The following UGT1A7 variants were observed in gnomAD, a reference collection of about 807,000 sequenced individuals.
The protein encoded by UGT1A7 is UDP-glucuronosyltransferase 1A7.
Under a neutral mutation model 45.6 loss-of-function variants are expected in UGT1A7, and 33 were observed. That is an observed-to-expected ratio of 0.72 (90% CI 0.55 to 0.97). The LOEUF is 0.97. Among genes scored for constraint, UGT1A7 ranks in the 50% least tolerant of loss-of-function variants. The probability of loss-of-function intolerance (pLI) is 0.00; values close to 1 mark genes in which losing one functional copy is unlikely to be tolerated. For missense variants in UGT1A7, 684 were observed against 666.2 expected, an observed-to-expected ratio of 1.03 and a Z score of -0.29; for synonymous variants, 274 against 250.6, an observed-to-expected ratio of 1.09 and a Z score of -0.88.
chr2:233,694,924 A>C (rs17864690), intron 1 of UGT1A7, among the ~76,000 whole-genome samples: 9,219 of 152,270 alleles, frequency 0.061, 475 homozygotes, highest in African/African-American at 0.14. Flanking sequence ...ATGTGCGATG[A>C]TCAAATCAGG....
chr2:233,729,487 T>C (rs1189520708), intron 1 of UGT1A7: 17 of 1,614,220 alleles, frequency 1.1e-5, no homozygotes, highest in Non-Finnish European at 1.4e-5. Flanking sequence ...GAACAATATG[T>C]CTTTGGTCTA....
chr2:233,753,830 C>T (rs560874978), intron 1 of UGT1A7, among the ~76,000 whole-genome samples: 4 of 152,332 alleles, frequency 2.6e-5, no homozygotes, highest in Non-Finnish European at 4.4e-5. Flanking sequence ...GGGCTGAAGA[C>T]AGTCCTAGTA....
chr2:233,693,484 T>C (rs1575449694), intron 1 of UGT1A7: 1 of 1,614,198 alleles, frequency 6.2e-7, no homozygotes, highest in East Asian at 2.2e-5. Context: ...TGATCCTGGC[T>C]GAGTATTTGG....
chr2:233,744,569 T>A (rs1692854365), intron 1 of UGT1A7, among the ~76,000 whole-genome samples: 2 of 151,878 alleles, frequency 1.3e-5, no homozygotes, highest in Non-Finnish European at 2.9e-5. Context: ...GTGAGAAGAG[T>A]GGCATCGTTT....
chr2:233,747,765 A>T, intron 1 of UGT1A7: 1 of 1,613,500 alleles, frequency 6.2e-7, no homozygotes, highest in Non-Finnish European at 8.5e-7. Context: ...CTTTAAGGGC[A>T]CACAGTGTCC....
intron 1 of UGT1A7, among the ~76,000 whole-genome samples, chr2:233,731,890 C>A (rs2125767900): frequency 6.6e-6 from 1 of 152,340 alleles, no homozygotes; most frequent in Admixed American, 6.5e-5. Flanking sequence ...AACTAATTTA[C>A]ACTCCCACCA....
chr2:233,694,688 C>T (rs1334896868), intron 1 of UGT1A7, among the ~76,000 whole-genome samples: 1 of 152,190 alleles, frequency 6.6e-6, no homozygotes, highest in East Asian at 1.9e-4. Flanking sequence ...GTCCCAAAGA[C>T]CCTTACCTCT....
chr2:233,699,099 T>A (rs1370746002), intron 1 of UGT1A7, among the ~76,000 whole-genome samples: 1 of 152,204 alleles, frequency 6.6e-6, no homozygotes, highest in Non-Finnish European at 1.5e-5. Context: ...GTGCACCTCA[T>A]CACCTGCCCC....
At chr2:233,771,020 A>T (rs1052274200) in intron 4 of UGT1A7, 14 of 152,140 alleles carry the variant, frequency 9.2e-5, no homozygotes, top group Non-Finnish European at 2.1e-4. Flanking sequence ...GGAGCGAGAG[A>T]GAGTTGGGGG....
chr2:233,772,820 C>T lies in UGT1A7; in HGVS notation c.*261C>T. The T allele has an allele frequency of 1.0e-6, 1 of 980,900 alleles. No individual in the cohort carries two copies. The highest frequency in any genetic ancestry group is 3.1e-5 in the Admixed American group (1 of 31,764). 60.8% of individuals were successfully genotyped at this position (980,900 alleles called of 1,614,324 possible). A position where few individuals can be genotyped will look rare whatever the true frequency, so the allele number is the denominator to read the frequency against. On this transcript the variant is annotated 3_prime_UTR_variant, in exon 5 of 5. Coordinates refer to ENST00000373426, the MANE Select transcript of UGT1A7 (RefSeq NM_019077.3). ...TGCCATTTTTCAGAGGACGTGCAGA[C>T]AGGCTGGCATTCTAGATTACTTTTC...
chr2:233,688,685 A>G (rs2125540421), intron 1 of UGT1A7, among the ~76,000 whole-genome samples: 1 of 152,304 alleles, frequency 6.6e-6, no homozygotes. Flanking sequence ...AAAAAATTTA[A>G]TATTAAACGT....
intron 1 of UGT1A7, among the ~76,000 whole-genome samples, chr2:233,709,855 C>T (rs774385503): frequency 6.6e-6 from 1 of 152,220 alleles, no homozygotes; most frequent in Non-Finnish European, 1.5e-5. Flanking sequence ...ATTCAAGACA[C>T]GGAGCACTCC....
chr2:233,724,512 C>A (rs1184546630), intron 1 of UGT1A7, among the ~76,000 whole-genome samples: 1 of 98,296 alleles, frequency 1.0e-5, no homozygotes, highest in Non-Finnish European at 2.1e-5. Context: ...CGCTCCTCAC[C>A]TCCCAGATGG....
At chr2:233,744,020 A>G (rs772396813) in intron 1 of UGT1A7, 334 of 991,812 alleles carry the variant, frequency 3.4e-4, no homozygotes, top group East Asian at 3.5e-4. Context: ...CCGCCTGGAG[A>G]GACGCCCCTT....
chr2:233,768,093 C>G (rs1004945846), intron 3 of UGT1A7, 127 bp from the exon 4 acceptor site: 31 of 1,591,334 alleles, frequency 1.9e-5, no homozygotes, highest in Non-Finnish European at 2.5e-5. Context: ...CCCACATTTT[C>G]TTCTGCAAAT....
chr2:233,689,917 A>C (rs562345639), intron 1 of UGT1A7: 9 of 456,690 alleles, frequency 2.0e-5, no homozygotes, highest in African/African-American at 1.8e-4. Context: ...AGGTGCCTGG[A>C]ATTTCCTTCG....
intron 1 of UGT1A7, among the ~76,000 whole-genome samples, chr2:233,701,433 A>G (rs2075627633): frequency 6.6e-6 from 1 of 152,256 alleles, no homozygotes; most frequent in Admixed American, 6.5e-5. Context: ...TAGACAGATC[A>G]ACGAGACAGA....
intron 1 of UGT1A7, among the ~76,000 whole-genome samples, chr2:233,715,831 T>C (rs1175914174): frequency 1.3e-5 from 2 of 152,160 alleles, no homozygotes; most frequent in African/African-American, 4.8e-5. Context: ...AAAACATTTT[T>C]TTAAAACTCC....
chr2:233,689,903 A>G (rs1559343888), intron 1 of UGT1A7: 1 of 456,734 alleles, frequency 2.2e-6, no homozygotes, highest in Non-Finnish European at 4.4e-6. Context: ...TCTCAGGGCC[A>G]GGTAGGTGCC....
Sources: allele counts gnomAD v4.1 joint callset (sites outside exome capture counted in the v4.1 genomes callset), GRCh38; gene constraint gnomAD v4.1.1; transcripts MANE v1.5; gene names NCBI Gene and HGNC (gene_info 2026-07-23, HGNC 2026-07-21).